The following SH3RF2 variants were observed in gnomAD, a reference collection of about 807,000 sequenced individuals.
The protein encoded by SH3RF2 is E3 ubiquitin-protein ligase SH3RF2.
In SH3RF2, 43 loss-of-function variants were observed where a neutral mutation model predicts 59.0. The observed-to-expected ratio is 0.73, with a 90% CI of 0.57 to 0.94. SH3RF2 has a LOEUF of 0.94. Ranked by LOEUF, SH3RF2 falls within the 40% of genes least tolerant of loss-of-function variation. The pLI, the probability that SH3RF2 is intolerant of heterozygous loss-of-function variation, is 0.00. For synonymous variants in SH3RF2, 391 were observed against 391.5 expected (o/e 1.00, Z 0.01); for missense variants, 930 against 940.1 (o/e 0.99, Z 0.14).
chr5:146,072,866 C>A (rs75980340), intron 9 of SH3RF2, among the ~76,000 whole-genome samples: 5,459 of 152,244 alleles, frequency 0.036, 339 homozygotes, highest in African/African-American at 0.12. Flanking sequence ...ACTTTTCCAA[C>A]CTGTAGTTCC....
At chr5:146,039,242 C>T (rs140598801) in intron 5 of SH3RF2, among the ~76,000 whole-genome samples, 1,757 of 152,150 alleles carry the variant, frequency 0.012, 17 homozygotes, top group Non-Finnish European at 0.017. Context: ...GGAAAAAAAA[C>T]TTATTGAAGA....
At position 146,049,361 on chromosome 5, in the gene SH3RF2, G is replaced by C. The variant is rs1027214205; in HGVS notation, c.1322+116G>C. 8 of 1,247,720 alleles carry C rather than the reference G, an allele frequency of 6.4e-6. No individual in the cohort carries two copies. In the South Asian group the frequency reaches 8.9e-5, roughly 14 times the overall value. The allele number at this position is 1,247,720 out of a possible 1,614,324, so 77.3% of individuals were successfully genotyped here. A position where few individuals can be genotyped will look rare whatever the true frequency, so the allele number is the denominator to read the frequency against. The stretch of plus-strand genomic sequence containing the variant: ...CTTTCAGAAAACAGGCCAAGAAAGC[G>C]CTTTTTGCTCTATAACCCGCCTATC... On this transcript the variant is annotated intron_variant, in intron 7 of 9. Coordinates refer to ENST00000359120, the MANE Select transcript of SH3RF2 (RefSeq NM_152550.4).
chr5:146,049,581 C>G (rs1359920951), intron 7 of SH3RF2, among the ~76,000 whole-genome samples: 1 of 151,996 alleles, frequency 6.6e-6, no homozygotes, highest in African/African-American at 2.4e-5. Context: ...CTGCACAAAT[C>G]CCAGGAACCC....
chr5:145,940,892 T>C (rs909204359), intron 2 of SH3RF2, among the ~76,000 whole-genome samples: 3 of 152,198 alleles, frequency 2.0e-5, no homozygotes, highest in Non-Finnish European at 4.4e-5. Flanking sequence ...ATTATCACAG[T>C]GAACATTATT....
intron 2 of SH3RF2, among the ~76,000 whole-genome samples, chr5:145,986,411 C>A (rs1759706861): frequency 6.6e-6 from 1 of 152,122 alleles, no homozygotes; most frequent in Admixed American, 6.5e-5. Flanking sequence ...TGGAAAAAGA[C>A]TCACCCACCA....
At chr5:145,940,610 C>T (rs901939389) in intron 2 of SH3RF2, among the ~76,000 whole-genome samples, 15 of 152,206 alleles carry the variant, frequency 9.9e-5, no homozygotes, top group Admixed American at 7.9e-4. Flanking sequence ...TTGCTACCCA[C>T]CTTCCTCCAG....
intron 5 of SH3RF2, among the ~76,000 whole-genome samples, chr5:146,039,487 GAA>G (rs113958527): frequency 7.2e-6 from 1 of 139,484 alleles, no homozygotes; most frequent in African/African-American, 2.6e-5. Flanking sequence ...ATAAATATTT[GAA>G]AAAAAAAAAC....
At chr5:146,040,324 T>C (rs558371286) in intron 5 of SH3RF2, among the ~76,000 whole-genome samples, 60 of 152,350 alleles carry the variant, frequency 3.9e-4, no homozygotes, top group African/African-American at 1.4e-3. Flanking sequence ...CTTATCCGTA[T>C]GCAAAATATA....
intron 2 of SH3RF2, among the ~76,000 whole-genome samples, chr5:145,959,768 A>G (rs1758560483): frequency 6.6e-6 from 1 of 151,972 alleles, no homozygotes; most frequent in South Asian, 2.1e-4. Flanking sequence ...GCCACCTTGC[A>G]GGAACAATGC....
chr5:146,040,313 A>G (rs956155571), intron 5 of SH3RF2, among the ~76,000 whole-genome samples: 1 of 152,222 alleles, frequency 6.6e-6, no homozygotes, highest in African/African-American at 2.4e-5. Flanking sequence ...AAATATATAT[A>G]CTTATCCGTA....
intron 2 of SH3RF2, among the ~76,000 whole-genome samples, chr5:145,968,069 C>G (rs946457834): frequency 1.3e-5 from 2 of 152,200 alleles, no homozygotes; most frequent in South Asian, 2.1e-4. Context: ...GTATATTTGC[C>G]TATGTATAGT....
At chr5:145,986,550 T>TC (rs1759713605) in intron 2 of SH3RF2, among the ~76,000 whole-genome samples, 2 of 152,166 alleles carry the variant, frequency 1.3e-5, no homozygotes, top group Admixed American at 1.3e-4. Flanking sequence ...CTTGCCCTTC[T>TC]CCACAGGTGC....
intron 2 of SH3RF2, among the ~76,000 whole-genome samples, chr5:145,951,487 T>C (rs1376640572): frequency 2.0e-5 from 3 of 152,216 alleles, no homozygotes; most frequent in Non-Finnish European, 4.4e-5. Flanking sequence ...CTAATTCCTT[T>C]GCATTCTAAA....
chr5:145,971,391 G>A (rs1759074468), intron 2 of SH3RF2, among the ~76,000 whole-genome samples: 2 of 152,238 alleles, frequency 1.3e-5, no homozygotes, highest in African/African-American at 4.8e-5. Context: ...AAAAGAGAAG[G>A]GACCAGAGCA....
At chr5:146,045,365 A>G (rs1580911921) in intron 5 of SH3RF2, among the ~76,000 whole-genome samples, 1 of 152,376 alleles carries the variant, frequency 6.6e-6, no homozygotes, top group Middle Eastern at 3.4e-3. Context: ...TCACCCATTT[A>G]AGGTGTACAA....
intron 2 of SH3RF2, among the ~76,000 whole-genome samples, chr5:145,946,607 G>A (rs1331625736): frequency 1.3e-5 from 2 of 152,128 alleles, no homozygotes; most frequent in Non-Finnish European, 2.9e-5. Flanking sequence ...TTTGGGTGAT[G>A]AACATCATTC....
chr5:146,010,439 T>C (rs1210728232), intron 4 of SH3RF2, among the ~76,000 whole-genome samples: 2 of 152,210 alleles, frequency 1.3e-5, no homozygotes, highest in Middle Eastern at 3.2e-3. Flanking sequence ...TTCTAGATCC[T>C]TGAGGAATCG....
chr5:146,066,256 C>A (rs993390839), downstream of SH3RF2, among the ~76,000 whole-genome samples: 1 of 152,180 alleles, frequency 6.6e-6, no homozygotes. Flanking sequence ...GCTGCAAATG[C>A]GAAAGAGCCT....
exon 10 of SH3RF2, chr5:146,079,509 G>C (rs1763392397): frequency 6.6e-6 from 1 of 152,136 alleles, no homozygotes; most frequent in Non-Finnish European, 1.5e-5. Flanking sequence ...AGCATCACTG[G>C]GATATGTCGG....
Sources: gnomAD v4.1 joint callset for allele counts (sites outside exome capture counted in the v4.1 genomes callset) on GRCh38, gnomAD v4.1.1 for gene constraint, MANE v1.5 for transcripts, NCBI Gene and HGNC (gene_info 2026-07-23, HGNC 2026-07-21) for gene names.